HIGD1A: variants seen among roughly 807,000 people sequenced by gnomAD.
HIGD1A encodes the protein HIG1 domain family member 1A, mitochondrial.
A neutral mutation model predicts 11.3 loss-of-function variants in HIGD1A; 8 were observed. The ratio of observed to expected loss-of-function variants is 0.71; its 90% CI spans 0.42 to 1.28. The LOEUF is 1.28. Among genes scored for constraint, HIGD1A ranks in the 50% most tolerant of loss-of-function variants. HIGD1A has a pLI of 0.01. For synonymous variants in HIGD1A, 32 were observed against 38.4 expected (o/e 0.83, Z 0.62); for missense variants, 107 against 118.8 (o/e 0.90, Z 0.46).
At chr3:42,800,673 AT>A (rs1700545901) in intron 1 of HIGD1A, among the ~76,000 whole-genome samples, 1 of 150,984 alleles carries the variant, frequency 6.6e-6, no homozygotes, top group Non-Finnish European at 1.5e-5. Context: ...ATAGCAGTTG[AT>A]TTCTCCATAA....
intron 2 of HIGD1A, among the ~76,000 whole-genome samples, chr3:42,793,905 G>A (rs1013573843): frequency 2.6e-5 from 4 of 152,152 alleles, no homozygotes; most frequent in African/African-American, 9.7e-5. Context: ...GAGAGGTCGA[G>A]GGATGGGGGC....
intron 1 of HIGD1A, among the ~76,000 whole-genome samples, chr3:42,794,693 T>C (rs1700472766): frequency 6.6e-6 from 1 of 152,226 alleles, no homozygotes; most frequent in South Asian, 2.1e-4. Flanking sequence ...CAATATCATG[T>C]TGGAAATCCT....
intron 1 of HIGD1A, among the ~76,000 whole-genome samples, chr3:42,799,296 T>TA (rs1700525806): frequency 8.6e-6 from 1 of 116,388 alleles, no homozygotes; most frequent in African/African-American, 3.5e-5. Flanking sequence ...AAAAAATAAA[T>TA]TAAAAAAAAA....
chr3:42,792,263 T>C (rs897397082), intron 2 of HIGD1A, among the ~76,000 whole-genome samples: 3 of 152,196 alleles, frequency 2.0e-5, no homozygotes, highest in Non-Finnish European at 2.9e-5. Context: ...AAAAGGATGC[T>C]CAGTAGTTTA....
Position 42,784,980 on chromosome 3 carries a change from G to A in HIGD1A, c.*291C>T. On this transcript the variant is annotated 3_prime_UTR_variant, in exon 4 of 4. Coordinates refer to ENST00000321331, the MANE Select transcript of HIGD1A (RefSeq NM_014056.4). The stretch of plus-strand genomic sequence containing the variant: ...GGCCTGTTATCTTCTTTAGAACTAA[G>A]TTCATCTTAAAAATTTAAGAAGGTG... The A allele has an allele frequency of 2.8e-6, 1 of 353,678 alleles. No homozygotes were observed. The highest frequency in any genetic ancestry group is 5.1e-6 in the Non-Finnish European group (1 of 195,328). 21.9% of individuals were successfully genotyped at this position (353,678 alleles called of 1,614,324 possible). A position where few individuals can be genotyped will look rare whatever the true frequency, so the allele number is the denominator to read the frequency against.
intron 1 of HIGD1A, chr3:42,804,186 C>T (rs1330000978): frequency 6.2e-7 from 1 of 1,611,434 alleles, no homozygotes; most frequent in Middle Eastern, 1.7e-4. Flanking sequence ...CAAGCTTCTG[C>T]TCCATCTCCT....
At chr3:42,793,786 T>C (rs1394803990) in intron 2 of HIGD1A, among the ~76,000 whole-genome samples, 1 of 152,156 alleles carries the variant, frequency 6.6e-6, no homozygotes, top group African/African-American at 2.4e-5. Flanking sequence ...GCCTAGGCAG[T>C]ATCGCAAAAC....
chr3:42,803,254 C>T (rs1370242071), intron 1 of HIGD1A, among the ~76,000 whole-genome samples: 2 of 152,174 alleles, frequency 1.3e-5, no homozygotes, highest in Admixed American at 6.5e-5. Context: ...CCTAAAGAGG[C>T]ATTAAGGGAA....
rs777892819 is a variant in HIGD1A, at chr3:42,794,190, G to A, written c.64C>T (p.Arg22Ter). 53 of 1,604,624 alleles carry A rather than the reference G, an allele frequency of 3.3e-5. No homozygotes were observed. The highest frequency in any genetic ancestry group is 4.3e-5 in the Non-Finnish European group (51 of 1,177,112). The change falls in exon 2 of 4, where the codon CGA (arginine) becomes TGA (stop). Residue 22 changes from arginine (R) to a stop codon, truncating the protein, a stop_gained. Coordinates refer to ENST00000321331, the MANE Select transcript of HIGD1A (RefSeq NM_014056.4). LOFTEE classifies it high-confidence loss of function. Reference sequence around the variant, plus strand: ...ACGAATGGTGCCTCTTTAGCTTTTCGAATGAGTTTTGATCCCTGATCTTCC... The same window carrying A: ...ACGAATGGTGCCTCTTTAGCTTTTCAAATGAGTTTTGATCCCTGATCTTCC... ...YEEDQGSKLI[R>*]KAKEAPFVPV... is the part of the protein sequence containing the mutation.
In HIGD1A at chr3:42,784,429, C is replaced by T. The variant is rs528790066; in HGVS notation, c.*842G>A. The T allele has an allele frequency of 5.9e-5, 9 of 152,464 alleles. No individual in the cohort carries two copies. In the South Asian group the frequency reaches 1.2e-3, roughly 21 times the overall value. The allele number at this position is 152,464 out of a possible 1,614,324, so 9.4% of individuals were successfully genotyped here. On this transcript the variant is annotated 3_prime_UTR_variant, in exon 4 of 4. Coordinates refer to ENST00000321331, the MANE Select transcript of HIGD1A (RefSeq NM_014056.4). ...TATATTATATAAAAGTTTGGGTATA[C>T]TGTCTGGCCAAACCAGCTTGCTCAT...
rs1187442084 is a variant in HIGD1A, at chr3:42,784,780, A to G, written c.*491T>C. ...TTAAACACATGCATATATATTGTCAATTGTGGGAAGCTTTACAAGTTATAT... is the reference window on the plus strand; with the variant it reads ...TTAAACACATGCATATATATTGTCAGTTGTGGGAAGCTTTACAAGTTATAT... On this transcript the variant is annotated 3_prime_UTR_variant, in exon 4 of 4. Coordinates refer to ENST00000321331, the MANE Select transcript of HIGD1A (RefSeq NM_014056.4). 2 of 153,946 alleles carry G rather than the reference A, an allele frequency of 1.3e-5. No homozygotes were observed. The highest frequency in any genetic ancestry group is 4.8e-5 in the African/African-American group (2 of 41,500). 9.5% of individuals were successfully genotyped at this position (153,946 alleles called of 1,614,324 possible). A position where few individuals can be genotyped will look rare whatever the true frequency, so the allele number is the denominator to read the frequency against.
At chr3:42,804,080 T>C in intron 1 of HIGD1A, 1 of 1,350,600 alleles carries the variant, frequency 7.4e-7, no homozygotes, top group Non-Finnish European at 1.0e-6. Flanking sequence ...CTCCCGCTCC[T>C]CGCTCCCCGC....
At chr3:42,789,572 A>AAT (rs2125924439) in intron 2 of HIGD1A, among the ~76,000 whole-genome samples, 1 of 151,506 alleles carries the variant, frequency 6.6e-6, no homozygotes, top group African/African-American at 2.4e-5. Flanking sequence ...AAGAACAAAA[A>AAT]AAAAAACGAA....
chr3:42,801,967 T>C (rs1357759657), intron 1 of HIGD1A, among the ~76,000 whole-genome samples: 2 of 152,088 alleles, frequency 1.3e-5, no homozygotes, highest in Non-Finnish European at 2.9e-5. Flanking sequence ...AAAGTGGAGG[T>C]TGCGGTGAGC....
At chr3:42,804,293 C>A (rs1210649878) in intron 1 of HIGD1A, 143 bp downstream of exon 1, 16 of 1,137,104 alleles carry the variant, frequency 1.4e-5, no homozygotes, top group Admixed American at 2.1e-5. Flanking sequence ...GCCCCGGCAA[C>A]TCCACCTCTC....
rs1339524074 is a variant in HIGD1A, at chr3:42,784,093, AT to A, written c.*1177del. On this transcript the variant is annotated 3_prime_UTR_variant, in exon 4 of 4. Transcript: ENST00000321331. ...TCCGTCTCAAAAAAAAAAAAAAAAA[AT>A]TTATATGGATAATCAATAGAACAAA... Among the ~76,000 whole-genome samples, 63 of 139,030 alleles carry A rather than the reference AT, an allele frequency of 4.5e-4. 1 individual carries two copies. The highest frequency in any genetic ancestry group is 2.4e-4 in the Non-Finnish European group (15 of 63,410). 91.2% of individuals were successfully genotyped at this position (139,030 alleles called of 152,430 possible). A position where few individuals can be genotyped will look rare whatever the true frequency, so the allele number is the denominator to read the frequency against.
intron 1 of HIGD1A, among the ~76,000 whole-genome samples, chr3:42,796,418 T>C (rs149809350): frequency 8.1e-5 from 12 of 148,026 alleles, no homozygotes; most frequent in African/African-American, 2.7e-4. Context: ...TAATTAATCG[T>C]TCAAAAATTA....
chr3:42,801,368 T>C (rs775866507), intron 1 of HIGD1A, among the ~76,000 whole-genome samples: 2 of 152,214 alleles, frequency 1.3e-5, no homozygotes, highest in Non-Finnish European at 2.9e-5. Flanking sequence ...CATAGGACCT[T>C]GTACTTTCCT....
At chr3:42,796,434 TG>T (rs143969215) in intron 1 of HIGD1A, among the ~76,000 whole-genome samples, 31,069 of 138,188 alleles carry the variant, frequency 0.22, 3,838 homozygotes, top group South Asian at 0.3. Flanking sequence ...AATTAGTTGT[TG>T]TTTTTTTTTT....
Sources: allele counts gnomAD v4.1 joint callset (sites outside exome capture counted in the v4.1 genomes callset), GRCh38; gene constraint gnomAD v4.1.1; transcripts MANE v1.5; gene names NCBI Gene and HGNC (gene_info 2026-07-23, HGNC 2026-07-21).